ROBO1: variants seen among roughly 807,000 people sequenced by gnomAD.
The protein encoded by ROBO1 is roundabout guidance receptor 1, also known as roundabout homolog 1.
Under a neutral mutation model 195.9 loss-of-function variants are expected in ROBO1, and 149 were observed. The ratio of observed to expected loss-of-function variants is 0.76; its 90% CI spans 0.67 to 0.87. The LOEUF (loss-of-function observed/expected upper bound fraction) is 0.87. ROBO1 is among the 40% of genes least tolerant of loss of function. The pLI is 0.00. For missense variants in ROBO1, 1,933 were observed against 2,068.3 expected, an observed-to-expected ratio of 0.93 and a Z score of 1.27; for synonymous variants, 816 against 733.2, an observed-to-expected ratio of 1.11 and a Z score of -1.82.
chr3:79,057,593 C>T (rs1042080697), intron 3 of ROBO1, among the ~76,000 whole-genome samples: 1 of 152,006 alleles, frequency 6.6e-6, no homozygotes, highest in Non-Finnish European at 1.5e-5. Context: ...TCCTTACAAA[C>T]CTAAAAATTT....
intron 2 of ROBO1, among the ~76,000 whole-genome samples, chr3:79,228,309 C>G (rs2082262213): frequency 6.6e-6 from 1 of 152,050 alleles, no homozygotes; most frequent in African/African-American, 2.4e-5. Flanking sequence ...AGTGAAGGGT[C>G]AATTGAGGTT....
At chr3:78,629,307 TAA>T (rs34532622) in intron 25 of ROBO1, among the ~76,000 whole-genome samples, 11 of 151,904 alleles carry the variant, frequency 7.2e-5, no homozygotes, top group Non-Finnish European at 1.0e-4. Context: ...GCTTTTTTTT[TAA>T]AAAAAACCTA....
chr3:79,370,847 C>T (rs560929429), intron 2 of ROBO1, among the ~76,000 whole-genome samples: 1 of 152,046 alleles, frequency 6.6e-6, no homozygotes, highest in African/African-American at 2.4e-5. Flanking sequence ...GCCCCCCACC[C>T]CCTGACTGGT....
chr3:79,688,906 A>T (rs1431524600), intron 1 of ROBO1, among the ~76,000 whole-genome samples: 1 of 152,048 alleles, frequency 6.6e-6, no homozygotes, highest in Non-Finnish European at 1.5e-5. Context: ...AAAACTAACC[A>T]AATTATCTAC....
chr3:78,878,182 C>T (rs541075171), intron 4 of ROBO1, among the ~76,000 whole-genome samples: 1 of 152,098 alleles, frequency 6.6e-6, no homozygotes, highest in Non-Finnish European at 1.5e-5. Context: ...ACAATGAAAA[C>T]AATTTACTCC....
chr3:78,635,669 G>T, intron 23 of ROBO1, 104 bp downstream of exon 23: 2 of 1,016,618 alleles, frequency 2.0e-6, no homozygotes, highest in Non-Finnish European at 2.8e-6. Context: ...CTCAGCGACA[G>T]AAGAAAAGAT....
chr3:78,911,309 T>C (rs909046564), intron 4 of ROBO1, among the ~76,000 whole-genome samples: 2 of 152,080 alleles, frequency 1.3e-5, no homozygotes, highest in African/African-American at 2.4e-5. Flanking sequence ...TTGTAGAGCA[T>C]AGTTACCTAA....
intron 4 of ROBO1, among the ~76,000 whole-genome samples, chr3:78,930,604 T>C (rs1049894659): frequency 2.6e-5 from 4 of 152,216 alleles, no homozygotes; most frequent in South Asian, 2.1e-4. Flanking sequence ...TTTGCAGTCA[T>C]AGGCTTGACC....
At chr3:79,764,850 AT>A (rs1186317589) in intron 1 of ROBO1, among the ~76,000 whole-genome samples, 1 of 152,214 alleles carries the variant, frequency 6.6e-6, no homozygotes, top group African/African-American at 2.4e-5. Context: ...TTGGGGAGAT[AT>A]TAGGGTATTT....
intron 1 of ROBO1, among the ~76,000 whole-genome samples, chr3:79,646,401 A>T (rs9870957): frequency 1.3e-5 from 2 of 151,878 alleles, no homozygotes; most frequent in Non-Finnish European, 2.9e-5. Context: ...TGAAAATGAC[A>T]GGGAACAACA....
At chr3:79,462,343 G>T (rs1215643135) in intron 2 of ROBO1, among the ~76,000 whole-genome samples, 1 of 152,030 alleles carries the variant, frequency 6.6e-6, no homozygotes, top group Non-Finnish European at 1.5e-5. Flanking sequence ...TACGCTGGAT[G>T]ATAACTTTGA....
chr3:79,031,611 T>C (rs1447212277), intron 3 of ROBO1, among the ~76,000 whole-genome samples: 2 of 152,230 alleles, frequency 1.3e-5, no homozygotes, highest in Non-Finnish European at 2.9e-5. Flanking sequence ...ATTCTTTTTA[T>C]ATTAAGTGAA....
chr3:79,043,303 T>C (rs751064917), intron 3 of ROBO1, among the ~76,000 whole-genome samples: 80 of 152,248 alleles, frequency 5.3e-4, no homozygotes, highest in Non-Finnish European at 1.0e-3. Context: ...CCTCAAGTGG[T>C]CTGAAGTTTT....
chr3:78,981,009 G>GT (rs1462503268), intron 3 of ROBO1, among the ~76,000 whole-genome samples: 1 of 152,066 alleles, frequency 6.6e-6, no homozygotes. Flanking sequence ...TGGGATATGT[G>GT]TTATATGTGT....
intron 2 of ROBO1, among the ~76,000 whole-genome samples, chr3:79,551,173 C>A (rs1021105524): frequency 2.7e-5 from 4 of 150,558 alleles, no homozygotes; most frequent in Non-Finnish European, 4.4e-5. Context: ...TTTTTTCTTT[C>A]AACTTTTTTT....
intron 2 of ROBO1, among the ~76,000 whole-genome samples, chr3:79,548,424 C>T (rs1371995456): frequency 1.3e-5 from 2 of 152,188 alleles, no homozygotes; most frequent in Non-Finnish European, 2.9e-5. Flanking sequence ...GAAGAGAAAT[C>T]TACCAACATG....
At chr3:79,590,128 G>T (rs1943952765) in intron 1 of ROBO1, among the ~76,000 whole-genome samples, 167 bp from the exon 2 acceptor site, 1 of 151,630 alleles carries the variant, frequency 6.6e-6, no homozygotes, top group Non-Finnish European at 1.5e-5. Context: ...TATATTTCAT[G>T]ATACACATTT....
chr3:79,496,682 C>T (rs1939765856), intron 2 of ROBO1, among the ~76,000 whole-genome samples: 1 of 150,848 alleles, frequency 6.6e-6, no homozygotes, highest in South Asian at 2.1e-4. Flanking sequence ...CCACCGCGCC[C>T]GGCCGCACCC....
chr3:79,368,500 T>C (rs1333304735), intron 2 of ROBO1, among the ~76,000 whole-genome samples: 1 of 151,842 alleles, frequency 6.6e-6, no homozygotes, highest in Non-Finnish European at 1.5e-5. Flanking sequence ...TGAGGAAGTT[T>C]TCTGGGAGCT....
Sources: allele counts gnomAD v4.1 joint callset (sites outside exome capture counted in the v4.1 genomes callset), GRCh38; gene constraint gnomAD v4.1.1; transcripts MANE v1.5; gene names NCBI Gene and HGNC (gene_info 2026-07-23, HGNC 2026-07-21).